CCDC148: variants seen among roughly 807,000 people sequenced by gnomAD.
CCDC148 encodes coiled-coil domain containing 148, also known as coiled-coil domain-containing protein 148.
In CCDC148, 89 loss-of-function variants were observed where a neutral mutation model predicts 85.7. The ratio of observed to expected loss-of-function variants is 1.04; its 90% CI spans 0.87 to 1.24. The LOEUF (loss-of-function observed/expected upper bound fraction) is 1.24. Ranked by LOEUF, CCDC148 falls within the 50% of genes most tolerant of loss-of-function variation. The pLI is 0.00. For missense variants in CCDC148, 692 were observed against 671.7 expected (o/e 1.03, Z -0.33); for synonymous variants, 230 against 213.9 (o/e 1.08, Z -0.66).
intron 2 of CCDC148, among the ~76,000 whole-genome samples, chr2:158,350,193 C>A (rs1194878664): frequency 6.6e-6 from 1 of 152,120 alleles, no homozygotes; most frequent in Non-Finnish European, 1.5e-5. Flanking sequence ...ATTGTTCCTG[C>A]ACTTGATATT....
intron 7 of CCDC148, among the ~76,000 whole-genome samples, chr2:158,315,054 A>G (rs919996385): frequency 9.2e-5 from 14 of 152,200 alleles, no homozygotes; most frequent in Non-Finnish European, 2.9e-5. Context: ...ATAGGGGGAA[A>G]AAAAGAGAGT....
intron 1 of CCDC148, among the ~76,000 whole-genome samples, chr2:158,426,874 G>A (rs939843588): frequency 3.9e-5 from 6 of 152,070 alleles, no homozygotes; most frequent in Admixed American, 3.9e-4. Flanking sequence ...TACCAATGTT[G>A]GCTATTGCAA....
chr2:158,268,719 A>T (rs1689578845), intron 9 of CCDC148, among the ~76,000 whole-genome samples: 1 of 152,100 alleles, frequency 6.6e-6, no homozygotes, highest in Non-Finnish European at 1.5e-5. Context: ...GTACCCTTTG[A>T]CTATGGTCAT....
At chr2:158,198,394 TTAAA>T (rs1287225991) in intron 11 of CCDC148, among the ~76,000 whole-genome samples, 1 of 152,212 alleles carries the variant, frequency 6.6e-6, no homozygotes, top group Non-Finnish European at 1.5e-5. Flanking sequence ...TTGGTGGATT[TTAAA>T]TAATAGTATC....
chr2:158,433,565 G>A (rs1265367413), intron 1 of CCDC148, among the ~76,000 whole-genome samples: 3 of 152,068 alleles, frequency 2.0e-5, no homozygotes, highest in African/African-American at 4.8e-5. Context: ...CATGAGCAAC[G>A]CAGAATATAG....
At chr2:158,445,752 T>A in intron 1 of CCDC148, among the ~76,000 whole-genome samples, 1 of 152,064 alleles carries the variant, frequency 6.6e-6, no homozygotes, top group South Asian at 2.1e-4. Flanking sequence ...TTAAGTGTAA[T>A]CTTGTTCTAA....
rs1300018300 is a variant in CCDC148 at position 158,403,538 on chromosome 2, C to T, written c.26-44968G>A. Among the ~76,000 whole-genome samples, 3 of 151,962 alleles carry T rather than the reference C, an allele frequency of 2.0e-5. No individual in the cohort carries two copies. The East Asian group carries it at 5.8e-4, about 29-fold the overall frequency. ...CCTTTATATGAACTAAACAATAAAG[C>T]GGTTCAGAAACCTGACAGAGAGCAG... On this transcript the variant is annotated intron_variant, in intron 1 of 13. Transcript: ENST00000283233.
chr2:158,374,659 A>C (rs1574715728), intron 1 of CCDC148, among the ~76,000 whole-genome samples: 1 of 105,838 alleles, frequency 9.4e-6, no homozygotes, highest in Non-Finnish European at 1.7e-5. Flanking sequence ...CAGTGATTTT[A>C]TATATGAGTG....
At chr2:158,323,430 C>A (rs1395129982) in intron 7 of CCDC148, among the ~76,000 whole-genome samples, 2 of 152,096 alleles carry the variant, frequency 1.3e-5, no homozygotes, top group African/African-American at 4.8e-5. Flanking sequence ...TCACCTTGTT[C>A]TTTTTACATT....
chr2:158,281,999 G>A (rs1264939234), intron 9 of CCDC148, among the ~76,000 whole-genome samples: 1 of 151,812 alleles, frequency 6.6e-6, no homozygotes, highest in East Asian at 1.9e-4. Flanking sequence ...ATGTAATCCA[G>A]CATATAAACA....
intron 7 of CCDC148, among the ~76,000 whole-genome samples, chr2:158,322,680 A>G (rs559378045): frequency 1.3e-3 from 192 of 152,204 alleles, no homozygotes; most frequent in Non-Finnish European, 2.3e-3. Flanking sequence ...AAAATTACTA[A>G]TGAGTAGAAT....
rs111482956 is a variant in CCDC148 at position 158,206,443 on chromosome 2, T to A, written c.1370+14152A>T. Among the ~76,000 whole-genome samples, 1,102 of 152,272 alleles carry A rather than the reference T, an allele frequency of 7.2e-3. 16 individuals carry two copies. The highest frequency in any genetic ancestry group is 0.025 in the African/African-American group (1,025 of 41,556). ...AAAATGAGCCAGTTTTACAGCTGGA[T>A]CTACACATGCACTGGTCCAGACAGA... On this transcript the variant is annotated intron_variant, in intron 11 of 13. Transcript: ENST00000283233.
intron 7 of CCDC148, among the ~76,000 whole-genome samples, chr2:158,328,243 T>C (rs1283505738): frequency 1.3e-5 from 2 of 152,108 alleles, no homozygotes; most frequent in Non-Finnish European, 2.9e-5. Context: ...AATTCCCACC[T>C]ATGACTGAGA....
At chr2:158,433,231 G>A (rs141606890) in intron 1 of CCDC148, among the ~76,000 whole-genome samples, 1 of 133,876 alleles carries the variant, frequency 7.5e-6, no homozygotes, top group East Asian at 2.0e-4. Context: ...CTGTACTATA[G>A]CCGGGGCAAC....
At chr2:158,294,685 G>A (rs185281734) in intron 9 of CCDC148, among the ~76,000 whole-genome samples, 6 of 152,140 alleles carry the variant, frequency 3.9e-5, no homozygotes, top group Admixed American at 2.0e-4. Context: ...TTAGCCAGGC[G>A]TGGTGGCTGG....
At chr2:158,411,905 T>C (rs550306300) in intron 1 of CCDC148, among the ~76,000 whole-genome samples, 4 of 151,698 alleles carry the variant, frequency 2.6e-5, no homozygotes, top group Admixed American at 6.6e-5. Context: ...GCTGGGTGCA[T>C]GGGTGCACAG....
chr2:158,337,569 A>T (rs1251916603), intron 7 of CCDC148, among the ~76,000 whole-genome samples: 2 of 152,158 alleles, frequency 1.3e-5, no homozygotes, highest in East Asian at 3.8e-4. Flanking sequence ...GTATATTATT[A>T]TTTCTCAGCT....
rs186044277 is a variant in CCDC148 at position 158,351,270 on chromosome 2, C to T, written c.148-5952G>A. 3.7e-4 allele frequency among the ~76,000 whole-genome samples: 56 copies of T among 152,312 alleles called. No individual in the cohort carries two copies. In the East Asian group the frequency reaches 9.7e-3, roughly 26 times the overall value. On this transcript the variant is annotated intron_variant, in intron 2 of 13. Transcript: ENST00000283233. ...ATAGGAACAGCTCCGGTCTACAGCT[C>T]CCAGCGTGAGTGACGCAGAAGACGG...
At chr2:158,366,769 T>C (rs1254907188) in intron 1 of CCDC148, among the ~76,000 whole-genome samples, 1 of 152,176 alleles carries the variant, frequency 6.6e-6, no homozygotes, top group African/African-American at 2.4e-5. Flanking sequence ...TCCCACTTCC[T>C]TCTTCTCCCT....
Sources: gnomAD v4.1 joint callset for allele counts (sites outside exome capture counted in the v4.1 genomes callset) on GRCh38, gnomAD v4.1.1 for gene constraint, MANE v1.5 for transcripts, NCBI Gene and HGNC (gene_info 2026-07-23, HGNC 2026-07-21) for gene names.